Variants in MRPL48 observed in about 807,000 individuals in gnomAD.
MRPL48 encodes the protein mitochondrial ribosomal protein L48.
A neutral mutation model predicts 32.9 loss-of-function variants in MRPL48; 16 were observed. The ratio of observed to expected loss-of-function variants is 0.49; its 90% CI spans 0.33 to 0.74. The LOEUF (loss-of-function observed/expected upper bound fraction) is 0.74. Among genes scored for constraint, MRPL48 ranks in the 30% least tolerant of loss-of-function variants. The pLI is 0.02. For missense variants in MRPL48, 206 were observed against 245.3 expected (o/e 0.84, Z 1.07); for synonymous variants, 94 against 89.2 (o/e 1.05, Z -0.31).
Position 73,864,211 on chromosome 11 carries a change from A to G in MRPL48, c.565-85A>G, listed in dbSNP as rs189676124. The G allele has an allele frequency of 3.2e-5, 38 of 1,174,658 alleles. No homozygotes were observed. The African/African-American group carries it at 4.9e-4, about 15-fold the overall frequency. The allele number at this position is 1,174,658 out of a possible 1,614,324, so 72.8% of individuals were successfully genotyped here. On this transcript the variant is annotated intron_variant, in intron 7 of 7. Transcript: ENST00000310614. ...GAATGATTCTCTACAGAGCTGGTTCAAGGGCCCTTTTTGGATGCTGTGCAT... is the reference window on the plus strand; with the variant it reads ...GAATGATTCTCTACAGAGCTGGTTCGAGGGCCCTTTTTGGATGCTGTGCAT...
chr11:73,831,777 C>A (rs773579337), intron 4 of MRPL48, among the ~76,000 whole-genome samples: 1 of 151,658 alleles, frequency 6.6e-6, no homozygotes, highest in Non-Finnish European at 1.5e-5. Flanking sequence ...TCCATCTCTA[C>A]TAAAAATGCA....
chr11:73,807,278 A>G lies in MRPL48; in HGVS notation c.75-1035A>G, dbSNP rs569624070. Among the ~76,000 whole-genome samples, 3 of 152,280 alleles carry G rather than the reference A, an allele frequency of 2.0e-5. No individual in the cohort carries two copies. In the East Asian group the frequency reaches 5.8e-4, roughly 29 times the overall value. On this transcript the variant is annotated intron_variant, in intron 2 of 7. Coordinates refer to ENST00000310614, the MANE Select transcript of MRPL48 (RefSeq NM_016055.6). ...TTTGTGTGACAGCCACAGGATATAA[A>G]ATAATGTATTGTACATCTTCCCGAA... is the stretch of plus-strand genomic sequence containing the variant.
chr11:73,826,061 A>C (rs1284671662), intron 4 of MRPL48, among the ~76,000 whole-genome samples: 1 of 152,030 alleles, frequency 6.6e-6, no homozygotes, highest in Non-Finnish European at 1.5e-5. Context: ...TCTGTCACCT[A>C]GGCTGGAGTG....
intron 4 of MRPL48, 43 bp downstream of exon 4, chr11:73,825,839 CT>C: frequency 6.7e-7 from 1 of 1,493,000 alleles, no homozygotes; most frequent in Non-Finnish European, 9.1e-7. Context: ...TAATGTGCAG[CT>C]TTTGCAAAAA....
At chr11:73,802,717 G>A (rs1207129565) in intron 1 of MRPL48, among the ~76,000 whole-genome samples, 1 of 140,800 alleles carries the variant, frequency 7.1e-6, no homozygotes, top group East Asian at 2.1e-4. Flanking sequence ...TTTTTAACTT[G>A]AGACAGGGTC....
At chr11:73,860,044 T>C (rs1948556940) in intron 6 of MRPL48, 35 bp downstream of exon 6, 16 of 1,536,448 alleles carry the variant, frequency 1.0e-5, no homozygotes, top group Non-Finnish European at 1.4e-5. Flanking sequence ...ATGTATTTGC[T>C]TCTCCTGGTT....
At position 73,787,914 on chromosome 11, in the gene MRPL48, C is replaced by A. The variant is rs1464026397; in HGVS notation, c.-58C>A. 6 of 1,593,182 alleles carry A rather than the reference C, an allele frequency of 3.8e-6. No individual in the cohort carries two copies. Among genetic ancestry groups the A allele is most frequent in the Middle Eastern group, 1.8e-4 (1 of 5,542 alleles). ...TCAGTGTTTTCAGACGCCCTGGGAA[C>A]GCGGCTGCAGGGTCCGGTCTTCGGT... On this transcript the variant is annotated 5_prime_UTR_variant, in exon 1 of 8. Transcript: ENST00000310614.
Position 73,837,020 on chromosome 11 carries a change from G to A in MRPL48, c.202-7787G>A, listed in dbSNP as rs181010658. ...CACCAGGTTATAAACATACTCAATC[G>A]CTGCATACCTCACAGCTCATTATGG... On this transcript the variant is annotated intron_variant, in intron 4 of 7. Transcript: ENST00000310614. 3.1e-3 allele frequency among the ~76,000 whole-genome samples: 475 copies of A among 152,210 alleles called. 6 individuals carry two copies. The highest frequency in any genetic ancestry group is 0.011 in the African/African-American group (466 of 41,520).
At position 73,844,816 on chromosome 11, in the gene MRPL48, A is replaced by G. The variant is rs904796046; in HGVS notation, c.211A>G (p.Lys71Glu). The change falls in exon 5 of 8, where the codon AAG (lysine) becomes GAG (glutamate). Residue 71 changes from lysine (K) to glutamate (E), a missense_variant. Coordinates refer to ENST00000310614, the MANE Select transcript of MRPL48 (RefSeq NM_016055.6). ...TTTGTTTTCTCTTCAGCCCAAGAAG[A>G]AGAAGGGAAAAGTGGAAGTGAGAGC... ...HLIKAEEPKK[K>E]KGKVEVRAIN... The G allele has an allele frequency of 6.2e-7, 1 of 1,612,804 alleles. No individual in the cohort carries two copies. Among genetic ancestry groups the G allele is most frequent in the African/African-American group, 1.3e-5 (1 of 74,886 alleles).
intron 2 of MRPL48, among the ~76,000 whole-genome samples, chr11:73,807,013 G>A (rs986396873): frequency 6.6e-6 from 1 of 152,010 alleles, no homozygotes; most frequent in Non-Finnish European, 1.5e-5. Flanking sequence ...GGGGTTACAG[G>A]CGCCCACCAC....
rs539748773 is a variant in MRPL48, at chr11:73,847,589, T to C, written c.371+2613T>C. On this transcript the variant is annotated intron_variant, in intron 5 of 7. Transcript: ENST00000310614. ...CCGAGTAGCTGGGACTACAGGCGCC[T>C]GCCACCATGCCCAGCTAATTTTGTT... Among the ~76,000 whole-genome samples the C allele has an allele frequency of 8.5e-5, 13 of 152,192 alleles. No homozygotes were observed. The South Asian group carries it at 1.7e-3, about 19-fold the overall frequency.
intron 7 of MRPL48, 92 bp from the exon 8 acceptor site, chr11:73,864,204 C>G (rs1948630096): frequency 9.4e-7 from 1 of 1,067,200 alleles, no homozygotes; most frequent in Non-Finnish European, 1.4e-6. Context: ...CTCTACAGAG[C>G]TGGTTCAAGG....
At chr11:73,789,735 C>T (rs1947112396) in intron 1 of MRPL48, among the ~76,000 whole-genome samples, 1 of 152,070 alleles carries the variant, frequency 6.6e-6, no homozygotes, top group Non-Finnish European at 1.5e-5. Context: ...TGATATTGTT[C>T]TATAGTTAAT....
At chr11:73,864,007 T>C (rs117612872) in intron 7 of MRPL48, among the ~76,000 whole-genome samples, 2,158 of 152,322 alleles carry the variant, frequency 0.014, 27 homozygotes, top group Non-Finnish European at 0.022. Context: ...TCTCTCTCTC[T>C]CTCTCAAATG....
At chr11:73,842,364 C>T (rs1565104804) in intron 4 of MRPL48, 1 of 152,194 alleles carries the variant, frequency 6.6e-6, no homozygotes, top group Non-Finnish European at 1.5e-5. Flanking sequence ...CCAGCTCCCC[C>T]ATTTTATATG....
chr11:73,827,201 G>A (rs910049591), intron 4 of MRPL48, among the ~76,000 whole-genome samples: 1 of 151,928 alleles, frequency 6.6e-6, no homozygotes, highest in East Asian at 2.0e-4. Flanking sequence ...TGACCAACAT[G>A]GCAGGAACCC....
chr11:73,816,123 G>A (rs1383153898), intron 3 of MRPL48, among the ~76,000 whole-genome samples: 4 of 151,538 alleles, frequency 2.6e-5, no homozygotes, highest in Non-Finnish European at 5.9e-5. Flanking sequence ...GTGCAGTGGC[G>A]CGATCTCGGC....
intron 3 of MRPL48, among the ~76,000 whole-genome samples, chr11:73,811,858 A>G (rs969534289): frequency 6.6e-6 from 1 of 152,188 alleles, no homozygotes; most frequent in Non-Finnish European, 1.5e-5. Context: ...ACAAAAGTGT[A>G]TATGATGAAA....
intron 4 of MRPL48, among the ~76,000 whole-genome samples, chr11:73,837,666 T>G (rs1948127185): frequency 6.6e-6 from 1 of 152,174 alleles, no homozygotes; most frequent in Non-Finnish European, 1.5e-5. Flanking sequence ...ATGACAATCC[T>G]GGGCCATCCC....
Sources: allele counts gnomAD v4.1 joint callset (sites outside exome capture counted in the v4.1 genomes callset), GRCh38; gene constraint gnomAD v4.1.1; transcripts MANE v1.5; gene names NCBI Gene and HGNC (gene_info 2026-07-23, HGNC 2026-07-21).